The following MGST3 variants were observed in gnomAD, a reference collection of about 807,000 sequenced individuals.
MGST3 encodes the protein glutathione S-transferase 3, mitochondrial.
In MGST3, 13 loss-of-function variants were observed where a neutral mutation model predicts 15.8. The ratio of observed to expected loss-of-function variants is 0.82; its 90% CI spans 0.54 to 1.31. MGST3 has a LOEUF of 1.31. Among genes scored for constraint, MGST3 ranks in the 50% most tolerant of loss-of-function variants. The probability of loss-of-function intolerance (pLI) is 0.00; values close to 1 mark genes in which losing one functional copy is unlikely to be tolerated. For synonymous variants in MGST3, 49 were observed against 68.1 expected (o/e 0.72, Z 1.38); for missense variants, 155 against 192.4 (o/e 0.81, Z 1.15).
chr1:165,647,948 C>A (rs921045087), intron 1 of MGST3: 2 of 152,196 alleles, frequency 1.3e-5, no homozygotes, highest in African/African-American at 4.8e-5. Flanking sequence ...GTGTGAGCCA[C>A]CATGCTTAGG....
chr1:165,654,880 C>G (rs373809439), intron 5 of MGST3, among the ~76,000 whole-genome samples: 1 of 152,216 alleles, frequency 6.6e-6, no homozygotes, highest in African/African-American at 2.4e-5. Context: ...TGTTATTTAA[C>G]CTTACAACAA....
chr1:165,654,029 A>C, intron 4 of MGST3: 1 of 475,584 alleles, frequency 2.1e-6, no homozygotes. Context: ...GATTCCTTCT[A>C]TCCCACCTGT....
At chr1:165,649,487 T>C in intron 1 of MGST3, 1 of 270,212 alleles carries the variant, frequency 3.7e-6, no homozygotes, top group South Asian at 4.0e-5. Context: ...TTTACCATGT[T>C]AAATATTTTT....
At chr1:165,649,499 C>T in intron 1 of MGST3, 1 of 239,982 alleles carries the variant, frequency 4.2e-6, no homozygotes, top group South Asian at 4.8e-5. Context: ...AATATTTTTT[C>T]AATAATGTGA....
chr1:165,649,590 A>T (rs779056969), intron 1 of MGST3: 5 of 460,908 alleles, frequency 1.1e-5, no homozygotes, highest in Non-Finnish European at 2.0e-5. Context: ...AGAATCTCCC[A>T]GGCACAAAAG....
chr1:165,632,277 A>G (rs778700217), intron 1 of MGST3: 17 of 1,612,432 alleles, frequency 1.1e-5, no homozygotes, highest in South Asian at 3.3e-5. Context: ...CTCTGCAGGT[A>G]TGTGCTGTTG....
At chr1:165,632,966 T>C (rs1177791742) in intron 1 of MGST3, among the ~76,000 whole-genome samples, 1 of 152,246 alleles carries the variant, frequency 6.6e-6, no homozygotes, top group Non-Finnish European at 1.5e-5. Flanking sequence ...CTATCTGTAT[T>C]TAAACATATT....
intron 1 of MGST3, among the ~76,000 whole-genome samples, chr1:165,631,697 C>T (rs1057333945): frequency 3.3e-5 from 5 of 151,644 alleles, no homozygotes; most frequent in Admixed American, 6.6e-5. Context: ...GCGAGCCGGA[C>T]ACTGCCGGGG....
intron 1 of MGST3, among the ~76,000 whole-genome samples, chr1:165,635,570 C>T (rs902521376): frequency 3.3e-5 from 5 of 152,214 alleles, no homozygotes; most frequent in Non-Finnish European, 7.3e-5. Flanking sequence ...CCAGCCAGTG[C>T]AGCCATGTAT....
In MGST3 at chr1:165,655,965, A is replaced by G. The variant is rs1226764130; in HGVS notation, c.*461A>G. The G allele has an allele frequency of 4.8e-6, 1 of 210,316 alleles. No homozygotes were observed. Among genetic ancestry groups the G allele is most frequent in the African/African-American group, 2.4e-5 (1 of 42,162 alleles). The allele number at this position is 210,316 out of a possible 1,614,324, so 13.0% of individuals were successfully genotyped here. ...ACAAAAAAATATACAACAGTTAGCC[A>G]GGCATGATGGCACATGTCTGCAGTC... On this transcript the variant is annotated 3_prime_UTR_variant, in exon 6 of 6. Coordinates refer to ENST00000367889, the MANE Select transcript of MGST3 (RefSeq NM_004528.4).
rs1227948015 is a variant in MGST3 at position 165,654,312 on chromosome 1, G to A, written c.283G>A (p.Val95Ile). The A allele has an allele frequency of 1.2e-6, 2 of 1,614,020 alleles. No homozygotes were observed. The highest frequency in any genetic ancestry group is 2.7e-5 in the African/African-American group (2 of 74,914). The change falls in exon 5 of 6, where the codon GTT becomes ATT. Residue 95 changes from valine to isoleucine, a missense_variant. Transcript: ENST00000367889. ...IASGLGLAWI[V>I]GRVLYAYGYY... ...TTCTGGCCTGGGCTTGGCCTGGATT[G>A]TTGGACGAGTTCTTTATGCTTATGG...
chr1:165,651,527 G>A (rs941384099), intron 3 of MGST3: 8 of 310,450 alleles, frequency 2.6e-5, no homozygotes, highest in Non-Finnish European at 3.7e-5. Context: ...AAGGAGGGTG[G>A]ATGATAGTGA....
At chr1:165,650,056 A>G (rs747516360) in intron 2 of MGST3, 92 bp downstream of exon 2, 1 of 1,580,872 alleles carries the variant, frequency 6.3e-7, no homozygotes. Flanking sequence ...AGGGAGAGGC[A>G]AGGAGCTAGT....
chr1:165,654,602 G>A, intron 5 of MGST3, among the ~76,000 whole-genome samples: 1 of 152,034 alleles, frequency 6.6e-6, no homozygotes, highest in African/African-American at 2.4e-5. Flanking sequence ...GAGGCGGGAG[G>A]ATTGCTTCAG....
chr1:165,651,391 G>A (rs1015611603), intron 3 of MGST3: 2 of 442,360 alleles, frequency 4.5e-6, no homozygotes, highest in Admixed American at 7.0e-5. Context: ...GGCCTAGGGA[G>A]TGAAGAGGTT....
intron 3 of MGST3, chr1:165,651,680 G>A (rs1648561023): frequency 2.7e-6 from 1 of 367,712 alleles, no homozygotes; most frequent in African/African-American, 2.1e-5. Flanking sequence ...GAGGTGGGTG[G>A]ATCACTTGAG....
At chr1:165,651,303 T>A in intron 3 of MGST3, 1 of 588,350 alleles carries the variant, frequency 1.7e-6, no homozygotes, top group Non-Finnish European at 3.1e-6. Flanking sequence ...GATATTCTTT[T>A]CAAAAAATGT....
intron 3 of MGST3, chr1:165,651,379 C>T: frequency 2.1e-6 from 1 of 466,348 alleles, no homozygotes; most frequent in Non-Finnish European, 4.0e-6. Context: ...TTGACTCTCC[C>T]AGGCCTAGGG....
At position 165,632,331 on chromosome 1, in the gene MGST3, C is replaced by T; in HGVS notation, c.-8+1038C>T. On this transcript the variant is annotated intron_variant, in intron 1 of 5. Transcript: ENST00000367889. Reference sequence around the variant, plus strand: ...CGGAATTGCTGCAGATTTTAGATTGCTGGTGGGTAGGAGCTGCAGCGCTTC... The same window carrying T: ...CGGAATTGCTGCAGATTTTAGATTGTTGGTGGGTAGGAGCTGCAGCGCTTC... 3 of 1,588,132 alleles carry T rather than the reference C, an allele frequency of 1.9e-6. 1 individual carries two copies. The highest frequency in any genetic ancestry group is 2.2e-5 in the South Asian group (2 of 90,472).
Sources: gnomAD v4.1 joint callset for allele counts (sites outside exome capture counted in the v4.1 genomes callset) on GRCh38, gnomAD v4.1.1 for gene constraint, MANE v1.5 for transcripts, NCBI Gene and HGNC (gene_info 2026-07-23, HGNC 2026-07-21) for gene names.